Variants in CLCN3 observed in about 807,000 individuals in gnomAD.
The protein encoded by CLCN3 is H(+)/Cl(-) exchange transporter 3.
Under a neutral mutation model 83.4 loss-of-function variants are expected in CLCN3, and 16 were observed. The ratio of observed to expected loss-of-function variants is 0.19; its 90% CI spans 0.13 to 0.29. The LOEUF (loss-of-function observed/expected upper bound fraction) is 0.29, where lower values mean the gene tolerates loss of function less well. CLCN3 is among the 10% of genes least tolerant of loss of function. The pLI is 1.00. For synonymous variants in CLCN3, 322 were observed against 346.2 expected (o/e 0.93, Z 0.78); for missense variants, 544 against 1,006.0 (o/e 0.54, Z 6.21).
chr4:169,660,951 A>G (rs1401038704), intron 2 of CLCN3, among the ~76,000 whole-genome samples: 1 of 152,208 alleles, frequency 6.6e-6, no homozygotes, highest in East Asian at 1.9e-4. Flanking sequence ...GATAGTAAAG[A>G]TGAATAATTT....
chr4:169,703,675 C>CTTTTTTTTTTTT (rs1215741103), intron 9 of CLCN3, among the ~76,000 whole-genome samples: 7 of 123,332 alleles, frequency 5.7e-5, no homozygotes, highest in Admixed American at 7.9e-5. Flanking sequence ...TTTTTTTTTT[C>CTTTTTTTTTTTT]TTTTTTTTTT....
chr4:169,640,206 A>T (rs898982148), intron 2 of CLCN3, among the ~76,000 whole-genome samples: 2 of 152,172 alleles, frequency 1.3e-5, no homozygotes, highest in African/African-American at 4.8e-5. Flanking sequence ...CTGTACCCCC[A>T]ACGTAAGCAG....
At chr4:169,633,840 A>G (rs911387160) in intron 1 of CLCN3, among the ~76,000 whole-genome samples, 20 of 152,352 alleles carry the variant, frequency 1.3e-4, no homozygotes, top group African/African-American at 3.6e-4. Flanking sequence ...TTTTACACTT[A>G]GAGCACATTT....
intron 2 of CLCN3, among the ~76,000 whole-genome samples, chr4:169,655,501 GT>G (rs1730854300): frequency 6.6e-6 from 1 of 152,046 alleles, no homozygotes; most frequent in Admixed American, 6.5e-5. Flanking sequence ...GATGTTTTTT[GT>G]TTTTGTTTCT....
At chr4:169,692,471 A>G (rs1732408676) in intron 7 of CLCN3, 151 bp downstream of exon 7, 1 of 367,524 alleles carries the variant, frequency 2.7e-6, no homozygotes, top group Admixed American at 4.3e-5. Flanking sequence ...ATAATCTATA[A>G]CATCTTTCTA....
chr4:169,636,110 A>C (rs759192891), intron 2 of CLCN3, 22 bp downstream of exon 2: 2 of 1,596,518 alleles, frequency 1.3e-6, no homozygotes. Flanking sequence ...ATGACAGCCT[A>C]ATGTTTGTAT....
chr4:169,707,373 A>G (rs9996636), intron 11 of CLCN3, 107 bp downstream of exon 11: 339,160 of 733,278 alleles, frequency 0.46, 81,594 homozygotes, highest in South Asian at 0.54. Context: ...GGCAAGGGAC[A>G]TTATTTTATG....
chr4:169,711,229 G>T (rs749230654), intron 11 of CLCN3, among the ~76,000 whole-genome samples: 3 of 152,154 alleles, frequency 2.0e-5, no homozygotes, highest in Non-Finnish European at 2.9e-5. Context: ...ACTTCTGGTA[G>T]TTTTTACACT....
intron 11 of CLCN3, among the ~76,000 whole-genome samples, chr4:169,709,106 T>A (rs1392264019): frequency 1.3e-5 from 2 of 148,186 alleles, no homozygotes; most frequent in African/African-American, 4.9e-5. Context: ...AATTACATTA[T>A]ATATATAGAA....
At chr4:169,679,159 T>C (rs1731812761) in intron 2 of CLCN3, among the ~76,000 whole-genome samples, 2 of 135,472 alleles carry the variant, frequency 1.5e-5, no homozygotes, top group South Asian at 2.4e-4. Context: ...GCAGAGGTGC[T>C]CCTCACCTCC....
chr4:169,656,492 A>G (rs748520693), intron 2 of CLCN3, among the ~76,000 whole-genome samples: 11 of 151,984 alleles, frequency 7.2e-5, no homozygotes, highest in Non-Finnish European at 1.3e-4. Flanking sequence ...TGATCCAGTT[A>G]CCTCCCTCCA....
rs1023166157 is a variant in CLCN3, at chr4:169,621,017, C to T, written c.-63C>T. Reference sequence around the variant, plus strand: ...TTGAAACAGATGCAGAATCCAAAGGCAGCGCAAAAAACAGCCACCGATTTT... The same window carrying T: ...TTGAAACAGATGCAGAATCCAAAGGTAGCGCAAAAAACAGCCACCGATTTT... On this transcript the variant is annotated 5_prime_UTR_variant, in exon 1 of 13. Transcript: ENST00000513761. 15 of 397,658 alleles carry T rather than the reference C, an allele frequency of 3.8e-5. No individual in the cohort carries two copies. Among genetic ancestry groups the T allele is most frequent in the Non-Finnish European group, 6.2e-5 (14 of 225,972 alleles). 24.6% of individuals were successfully genotyped at this position (397,658 alleles called of 1,614,324 possible). A position where few individuals can be genotyped will look rare whatever the true frequency, so the allele number is the denominator to read the frequency against.
At chr4:169,629,501 G>A (rs1232054084) in intron 1 of CLCN3, among the ~76,000 whole-genome samples, 2 of 152,006 alleles carry the variant, frequency 1.3e-5, no homozygotes, top group Non-Finnish European at 1.5e-5. Context: ...CTCCTGAGTA[G>A]CTGGGATTAC....
At chr4:169,698,046 G>A (rs552449695) in intron 9 of CLCN3, among the ~76,000 whole-genome samples, 124 of 152,236 alleles carry the variant, frequency 8.1e-4, no homozygotes, top group African/African-American at 2.9e-3. Context: ...GTTGTTATTA[G>A]ACATGGCGAG....
chr4:169,681,526 C>T (rs1464087130), intron 3 of CLCN3, among the ~76,000 whole-genome samples: 4 of 152,084 alleles, frequency 2.6e-5, no homozygotes, highest in African/African-American at 7.2e-5. Flanking sequence ...ACCTTTAGGG[C>T]ATATCTAAAA....
chr4:169,703,404 T>G (rs1732871293), intron 9 of CLCN3, among the ~76,000 whole-genome samples: 2 of 152,236 alleles, frequency 1.3e-5, no homozygotes, highest in Non-Finnish European at 2.9e-5. Flanking sequence ...ATGAATAGCA[T>G]CTACCATTTC....
chr4:169,707,182 T>C lies in CLCN3; in HGVS notation c.2065T>C (p.Tyr689His). The C allele has an allele frequency of 6.2e-7, 1 of 1,613,914 alleles. No individual in the cohort carries two copies. Among genetic ancestry groups the C allele is most frequent in the Non-Finnish European group, 8.5e-7 (1 of 1,179,818 alleles). Residue 689 changes from tyrosine (Y) to histidine (H), a missense_variant, in exon 11 of 13, where the codon TAC (tyrosine) becomes CAC (histidine). By Grantham distance (83) the Tyr-to-His change is moderately conservative (BLOSUM62 2). Around this residue, in one of 6 missense-constraint regions of CLCN3, gnomAD observed 142 missense variants for 225.0 expected, o/e 0.63. Coordinates refer to ENST00000513761, the MANE Select transcript of CLCN3 (RefSeq NM_001829.4). ...AGAAAACATGATTAATGAAACCAGCTACAATGGATTTCCTGTCATAATGTC... is the reference window on the plus strand; with the variant it reads ...AGAAAACATGATTAATGAAACCAGCCACAATGGATTTCCTGTCATAATGTC... ...DIENMINETS[Y>H]NGFPVIMSKE...
intron 2 of CLCN3, among the ~76,000 whole-genome samples, chr4:169,643,670 A>T (rs1269484264): frequency 6.6e-6 from 1 of 152,116 alleles, no homozygotes; most frequent in African/African-American, 2.4e-5. Flanking sequence ...AGTAGCTGGG[A>T]CTATAGGCAT....
rs761226535 is a variant in CLCN3 at position 169,635,902 on chromosome 4, C to T, written c.-16-11C>T. 12 of 1,500,600 alleles carry T rather than the reference C, an allele frequency of 8.0e-6. No individual in the cohort carries two copies. In the South Asian group the frequency reaches 1.2e-4, roughly 15 times the overall value. The allele number at this position is 1,500,600 out of a possible 1,614,324, so 93.0% of individuals were successfully genotyped here. ...TTGAAAAATGTTAAAACTACTTTTT[C>T]CCCCCCACAGATAATCAGACAGCTA... On this transcript the variant is annotated splice_polypyrimidine_tract_variant and intron_variant, in intron 1 of 12. Transcript: ENST00000513761.
Sources: allele counts gnomAD v4.1 joint callset (sites outside exome capture counted in the v4.1 genomes callset), GRCh38; gene constraint gnomAD v4.1.1; regional missense constraint gnomAD v4.1.1; transcripts MANE v1.5; gene names NCBI Gene and HGNC (gene_info 2026-07-23, HGNC 2026-07-21).